The following MAP1LC3A variants were observed in gnomAD, a reference collection of about 807,000 sequenced individuals.
The protein encoded by MAP1LC3A is microtubule-associated protein 1 light chain 3 alpha.
In MAP1LC3A, 10 loss-of-function variants were observed where a neutral mutation model predicts 15.2. The observed-to-expected ratio is 0.66, with a 90% CI of 0.41 to 1.12. The LOEUF is 1.12. MAP1LC3A is among the 50% of genes most tolerant of loss of function. The pLI is 0.00. For missense variants in MAP1LC3A, 138 were observed against 167.3 expected (o/e 0.82, Z 0.97); for synonymous variants, 63 against 64.3 (o/e 0.98, Z 0.10).
upstream of MAP1LC3A, chr20:34,558,237 C>G: frequency 1.0e-6 from 1 of 982,442 alleles, no homozygotes; most frequent in Non-Finnish European, 1.2e-6. This position sits in a 1 kb window ranked among gnomAD's most constrained non-coding sequence, Gnocchi z 4.3. Flanking sequence ...CTCTACTTTT[C>G]AATTATATTA....
chr20:34,560,230 A>G lies in MAP1LC3A; in HGVS notation c.*332A>G, dbSNP rs1982403456. 2 of 269,456 alleles carry G rather than the reference A, an allele frequency of 7.4e-6. No homozygotes were observed. Among genetic ancestry groups the G allele is most frequent in the African/African-American group, 4.5e-5 (2 of 44,244 alleles). The allele number at this position is 269,456 out of a possible 1,614,324, so 16.7% of individuals were successfully genotyped here. On this transcript the variant is annotated 3_prime_UTR_variant, in exon 4 of 4. Transcript: ENST00000360668. ...ACCCGAGGCTCTGCCCACCGCCTGG[A>G]CCTGCCCACCCCTGAAAGACTGGCC...
At chr20:34,558,404 C>A, upstream of MAP1LC3A, 1 of 990,858 alleles carries the variant, frequency 1.0e-6, no homozygotes, top group Non-Finnish European at 1.2e-6. The surrounding 1 kb of genome is among the most constrained non-coding windows in gnomAD (Gnocchi z 4.3). Context: ...CCGCGTCAGT[C>A]CTGACACAGA....
chr20:34,559,138 C>T (rs970971100), intron 1 of MAP1LC3A, 70 bp from the exon 2 acceptor site: 2 of 1,419,028 alleles, frequency 1.4e-6, no homozygotes, highest in Admixed American at 3.1e-5. Context: ...CCGGGGGCCG[C>T]CCCTCCGGGA....
intron 2 of MAP1LC3A, among the ~76,000 whole-genome samples, chr20:34,551,348 A>C (rs1486235708): frequency 1.3e-5 from 2 of 152,096 alleles, no homozygotes; most frequent in African/African-American, 4.8e-5. Flanking sequence ...GTATGATTCC[A>C]TCTAGAAGAA....
upstream of MAP1LC3A, among the ~76,000 whole-genome samples, chr20:34,554,354 G>GTTT (rs537779341): frequency 7.5e-5 from 8 of 106,162 alleles, no homozygotes; most frequent in South Asian, 3.4e-4. Flanking sequence ...TATACGTTGG[G>GTTT]TTTTTTTTTT....
chr20:34,559,684 T>C (rs1216041232), intron 3 of MAP1LC3A, 52 bp from the exon 4 acceptor site: 2 of 1,549,476 alleles, frequency 1.3e-6, no homozygotes, highest in Non-Finnish European at 1.7e-6. Flanking sequence ...CAGGGCTATG[T>C]CCGTCCCGCA....
upstream of MAP1LC3A, among the ~76,000 whole-genome samples, chr20:34,554,001 A>G (rs951495256): frequency 6.6e-6 from 1 of 152,206 alleles, no homozygotes; most frequent in Non-Finnish European, 1.5e-5. Flanking sequence ...TAGGAAAGAC[A>G]TGGGCATCTT....
At chr20:34,554,071 A>G (rs1982051329), upstream of MAP1LC3A, among the ~76,000 whole-genome samples, 1 of 152,264 alleles carries the variant, frequency 6.6e-6, no homozygotes, top group Non-Finnish European at 1.5e-5. Flanking sequence ...TTACACTCCC[A>G]GCAGCAGTGG....
At chr20:34,558,163 G>T (rs1982230531), upstream of MAP1LC3A, 2 of 981,546 alleles carry the variant, frequency 2.0e-6, no homozygotes, top group Non-Finnish European at 2.4e-6. This position sits in a 1 kb window ranked among gnomAD's most constrained non-coding sequence, Gnocchi z 4.3. Flanking sequence ...CCAGGTCCAC[G>T]ATTTCTCTTC....
upstream of MAP1LC3A, among the ~76,000 whole-genome samples, chr20:34,555,928 C>T (rs1273355268): frequency 3.3e-5 from 5 of 151,878 alleles, no homozygotes; most frequent in Admixed American, 6.6e-5. Context: ...CTGCAAGCTC[C>T]GCCTCCCAGG....
intron 1 of MAP1LC3A, 143 bp from the exon 2 acceptor site, chr20:34,559,065 G>C (rs1982295968): frequency 7.5e-7 from 1 of 1,325,044 alleles, no homozygotes; most frequent in Admixed American, 4.0e-5. Context: ...TCCCCACCGC[G>C]ATAGGTGCCA....
upstream of MAP1LC3A, chr20:34,558,372 C>G (rs567646269): frequency 2.0e-6 from 2 of 988,224 alleles, no homozygotes; most frequent in South Asian, 9.3e-5. The surrounding 1 kb of genome is among the most constrained non-coding windows in gnomAD (Gnocchi z 4.3). Context: ...TTGGCTCCGG[C>G]TGTTTCCCAC....
upstream of MAP1LC3A, among the ~76,000 whole-genome samples, chr20:34,554,398 A>C (rs1982069423): frequency 1.0e-5 from 1 of 98,988 alleles, no homozygotes; most frequent in Non-Finnish European, 1.9e-5. Flanking sequence ...TTTTTTAGAC[A>C]AACTCTCGCT....
chr20:34,548,041 CAGGT>C (rs1468375258), intron 1 of MAP1LC3A, among the ~76,000 whole-genome samples: 1 of 151,934 alleles, frequency 6.6e-6, no homozygotes, highest in South Asian at 2.1e-4. Context: ...ACGGTGGAGA[CAGGT>C]GGGACGACAC....
At chr20:34,557,784 G>T (rs567213666), upstream of MAP1LC3A, among the ~76,000 whole-genome samples, 5 of 152,196 alleles carry the variant, frequency 3.3e-5, no homozygotes, top group East Asian at 9.7e-4. Context: ...AATTAGCTGG[G>T]GGTGGTGGCA....
At chr20:34,559,632 G>A (rs1982351608) in intron 3 of MAP1LC3A, 104 bp from the exon 4 acceptor site, 2 of 1,329,170 alleles carry the variant, frequency 1.5e-6, no homozygotes, top group Non-Finnish European at 2.1e-6. Context: ...GTGACAGCTG[G>A]GGTGAGAATG....
intron 2 of MAP1LC3A, among the ~76,000 whole-genome samples, chr20:34,551,510 C>T (rs977884961): frequency 7.5e-5 from 11 of 146,368 alleles, no homozygotes; most frequent in Non-Finnish European, 6.0e-5. Context: ...GTGTTGCCCA[C>T]AGTCAGGCTG....
At chr20:34,553,483 G>C (rs1452903323) in intron 2 of MAP1LC3A, among the ~76,000 whole-genome samples, 1 of 152,106 alleles carries the variant, frequency 6.6e-6, no homozygotes, top group Non-Finnish European at 1.5e-5. Flanking sequence ...CTCAGTTCAG[G>C]GCTGAGTCTG....
At chr20:34,547,759 C>T (rs1470963045) in intron 1 of MAP1LC3A, among the ~76,000 whole-genome samples, 4 of 152,132 alleles carry the variant, frequency 2.6e-5, no homozygotes, top group Non-Finnish European at 5.9e-5. Context: ...AGTTAAACCT[C>T]TTTTCTTTGT....
Sources: allele counts gnomAD v4.1 joint callset (sites outside exome capture counted in the v4.1 genomes callset), GRCh38; gene constraint gnomAD v4.1.1; non-coding constraint Gnocchi (gnomAD v3.1); transcripts MANE v1.5; gene names NCBI Gene and HGNC (gene_info 2026-07-23, HGNC 2026-07-21).